Variants in ANK1 observed in about 807,000 individuals in gnomAD.
The protein encoded by ANK1 is ankyrin 1, also known as ankyrin-1.
Under a neutral mutation model 210.4 loss-of-function variants are expected in ANK1, and 51 were observed. The observed-to-expected ratio is 0.24, with a 90% CI of 0.19 to 0.31. The LOEUF (loss-of-function observed/expected upper bound fraction) is 0.31, where lower values mean the gene tolerates loss of function less well. Among genes scored for constraint, ANK1 ranks in the 10% least tolerant of loss-of-function variants. The probability of loss-of-function intolerance (pLI) is 1.00; values close to 1 mark genes in which losing one functional copy is unlikely to be tolerated. For synonymous variants in ANK1, 967 were observed against 1,025.9 expected, an observed-to-expected ratio of 0.94 and a Z score of 1.10; for missense variants, 2,051 against 2,504.4, an observed-to-expected ratio of 0.82 and a Z score of 3.86.
At chr8:41,672,994 G>A (rs1032467940) in intron 37 of ANK1, 82 bp from the exon 38 acceptor site, 51 of 1,393,404 alleles carry the variant, frequency 3.7e-5, no homozygotes, top group Non-Finnish European at 4.7e-5. Flanking sequence ...GCACACGCAC[G>A]AACACACACA....
chr8:41,740,487 G>C (rs1010728075), intron 2 of ANK1, among the ~76,000 whole-genome samples: 6 of 151,996 alleles, frequency 3.9e-5, no homozygotes, highest in African/African-American at 1.4e-4. Flanking sequence ...GTAGAATCCC[G>C]GGCCCAAAAC....
chr8:41,840,493 C>A (rs1298847919), intron 1 of ANK1, among the ~76,000 whole-genome samples: 2 of 152,170 alleles, frequency 1.3e-5, no homozygotes, highest in Non-Finnish European at 1.5e-5. Context: ...GACAACAAAC[C>A]TTTATTCCTC....
chr8:41,857,212 T>A (rs1250723371), intron 1 of ANK1, among the ~76,000 whole-genome samples: 1 of 150,448 alleles, frequency 6.6e-6, no homozygotes, highest in Non-Finnish European at 1.5e-5. Flanking sequence ...TTTCCATTCA[T>A]GAGAACTGAA....
Position 41,727,367 on chromosome 8 carries a change from C to T in ANK1, c.328-19G>A, listed in dbSNP as rs1830965967. On this transcript the variant is annotated intron_variant, in intron 4 of 42. Coordinates refer to ENST00000289734, the MANE Select transcript of ANK1 (RefSeq NM_000037.4). ...AACCTTTCTGTAAACCAAGAGAGGACATCATTAGCATCCACCCGCAATTTA... is the reference window on the plus strand; with the variant it reads ...AACCTTTCTGTAAACCAAGAGAGGATATCATTAGCATCCACCCGCAATTTA... The T allele has an allele frequency of 6.4e-7, 1 of 1,565,398 alleles. No individual in the cohort carries two copies. The highest frequency in any genetic ancestry group is 8.8e-7 in the Non-Finnish European group (1 of 1,136,186).
Position 41,680,172 on chromosome 8 carries a change from C to T in ANK1, c.4537+4372G>A, listed in dbSNP as rs186050729. 5.3e-5 allele frequency among the ~76,000 whole-genome samples: 8 copies of T among 152,292 alleles called. No individual in the cohort carries two copies. The East Asian group carries it at 1.2e-3, about 22-fold the overall frequency. ...TGAGAACTGGGAGAGGGCAGCTTTG[C>T]GCCACAGAACACTTGAGGCTCATTC... is the stretch of plus-strand genomic sequence containing the variant. On this transcript the variant is annotated intron_variant, in intron 37 of 42. Coordinates refer to ENST00000289734, the MANE Select transcript of ANK1 (RefSeq NM_000037.4).
chr8:41,849,716 A>G (rs891558882), intron 1 of ANK1, among the ~76,000 whole-genome samples: 20 of 152,282 alleles, frequency 1.3e-4, no homozygotes, highest in African/African-American at 4.6e-4. Context: ...TTAATAGTTA[A>G]TGCTCTGTTA....
intron 1 of ANK1, among the ~76,000 whole-genome samples, chr8:41,815,751 T>G (rs1382604926): frequency 6.6e-6 from 1 of 152,200 alleles, no homozygotes; most frequent in Non-Finnish European, 1.5e-5. Flanking sequence ...CAAGCAATTT[T>G]GAACTGTCAC....
chr8:41,761,541 G>A (rs1039526598), intron 1 of ANK1, among the ~76,000 whole-genome samples: 1 of 152,222 alleles, frequency 6.6e-6, no homozygotes, highest in African/African-American at 2.4e-5. Flanking sequence ...GAGGGAGTGT[G>A]TCCCTGTGGA....
intron 39 of ANK1, among the ~76,000 whole-genome samples, chr8:41,666,705 C>T (rs565499444): frequency 2.1e-4 from 32 of 152,362 alleles, no homozygotes; most frequent in Non-Finnish European, 4.4e-4. Flanking sequence ...TATCAGCCCT[C>T]GGGGCCTGTG....
chr8:41,655,873 T>G (rs1281694817), intron 42 of ANK1, 120 bp from the exon 43 acceptor site: 1 of 1,180,544 alleles, frequency 8.5e-7, no homozygotes, highest in Middle Eastern at 1.9e-4. Context: ...GGAAAAGCAG[T>G]CTCCCCAGGC....
intron 1 of ANK1, among the ~76,000 whole-genome samples, chr8:41,774,291 A>G (rs1446632783): frequency 6.6e-6 from 1 of 152,212 alleles, no homozygotes; most frequent in Admixed American, 6.5e-5. Context: ...AACAACAGAC[A>G]TGAGTTTAAG....
intron 1 of ANK1, among the ~76,000 whole-genome samples, chr8:41,807,646 G>A (rs949670467): frequency 3.8e-4 from 58 of 152,130 alleles, no homozygotes; most frequent in African/African-American, 3.4e-4. Flanking sequence ...TGATGAGGCC[G>A]GGCGGTATCA....
chr8:41,667,105 G>A (rs1429803530), intron 39 of ANK1, among the ~76,000 whole-genome samples: 2 of 152,250 alleles, frequency 1.3e-5, no homozygotes, highest in African/African-American at 4.8e-5. Context: ...GCGCCCAGGA[G>A]GGCCTGATGG....
At position 41,718,080 on chromosome 8, in the gene ANK1, C is replaced by T. The variant is rs765533228; in HGVS notation, c.1206+26G>A. The T allele has an allele frequency of 2.2e-5, 35 of 1,610,442 alleles. No homozygotes were observed. The East Asian group carries it at 7.8e-4, about 36-fold the overall frequency. On this transcript the variant is annotated intron_variant, in intron 11 of 42. Coordinates refer to ENST00000289734, the MANE Select transcript of ANK1 (RefSeq NM_000037.4). Reference sequence around the variant, plus strand: ...GTCGGGGGAGACCACAGGCCTGCCCCCAGGCTCCTCTGCAGTCTCTCCTAC... The same window carrying T: ...GTCGGGGGAGACCACAGGCCTGCCCTCAGGCTCCTCTGCAGTCTCTCCTAC...
chr8:41,842,964 A>G (rs1298925765), intron 1 of ANK1, among the ~76,000 whole-genome samples: 1 of 152,070 alleles, frequency 6.6e-6, no homozygotes, highest in Non-Finnish European at 1.5e-5. Flanking sequence ...CTCCTGCCTC[A>G]GCCTCCTGAG....
intron 39 of ANK1, chr8:41,664,119 C>G (rs997719889): frequency 2.2e-5 from 10 of 461,250 alleles, no homozygotes; most frequent in African/African-American, 2.0e-4. Context: ...CTTCGACAGG[C>G]AGCATCACCC....
chr8:41,750,611 G>C (rs1462870033), intron 2 of ANK1, among the ~76,000 whole-genome samples: 1 of 151,848 alleles, frequency 6.6e-6, no homozygotes, highest in Non-Finnish European at 1.5e-5. Context: ...ATGAGCACGT[G>C]CTATAGGTTA....
chr8:41,698,619 G>C (rs1430623667), intron 23 of ANK1, among the ~76,000 whole-genome samples: 4 of 152,158 alleles, frequency 2.6e-5, no homozygotes, highest in Non-Finnish European at 5.9e-5. Context: ...ATGTCCCTGT[G>C]TACACTGTGC....
At chr8:41,787,300 G>A (rs1846618678) in intron 1 of ANK1, among the ~76,000 whole-genome samples, 1 of 152,216 alleles carries the variant, frequency 6.6e-6, no homozygotes, top group Non-Finnish European at 1.5e-5. Flanking sequence ...GATATTAAAT[G>A]GCAATTCACA....
Sources: gnomAD v4.1 joint callset for allele counts (sites outside exome capture counted in the v4.1 genomes callset) on GRCh38, gnomAD v4.1.1 for gene constraint, MANE v1.5 for transcripts, NCBI Gene and HGNC (gene_info 2026-07-23, HGNC 2026-07-21) for gene names.